Variants in TMEM176A observed in about 807,000 individuals in gnomAD.
TMEM176A encodes the protein hepatocellular carcinoma-associated antigen 112.
Under a neutral mutation model 27.9 loss-of-function variants are expected in TMEM176A, and 20 were observed. The ratio of observed to expected loss-of-function variants is 0.72; its 90% CI spans 0.50 to 1.04. TMEM176A has a LOEUF of 1.04. Among genes scored for constraint, TMEM176A ranks in the 50% least tolerant of loss-of-function variants. The pLI is 0.00. For synonymous variants in TMEM176A, 125 were observed against 118.0 expected (o/e 1.06, Z -0.38); for missense variants, 252 against 289.1 (o/e 0.87, Z 0.93).
chr7:150,801,076 C>T (rs374685705), intron 1 of TMEM176A: 1 of 828,474 alleles, frequency 1.2e-6, no homozygotes, highest in Non-Finnish European at 1.5e-6. Flanking sequence ...AGCGGGAGGT[C>T]GGCGGTGGCG....
chr7:150,803,520 C>T (rs868395852), intron 4 of TMEM176A, 64 bp downstream of exon 4: 51 of 1,576,952 alleles, frequency 3.2e-5, no homozygotes, highest in Non-Finnish European at 4.2e-5. Context: ...CAATCTCCTG[C>T]CCTGTTGCAG....
chr7:150,803,848 G>A lies in TMEM176A; in HGVS notation c.555+16G>A, dbSNP rs753374028. 7 of 1,612,320 alleles carry A rather than the reference G, an allele frequency of 4.3e-6. No homozygotes were observed. Among genetic ancestry groups the A allele is most frequent in the Non-Finnish European group, 5.9e-6 (7 of 1,179,268 alleles). On this transcript the variant is annotated intron_variant, in intron 5 of 6. Transcript: ENST00000004103. ...CATGCTGAAGGTAGGTGGCCAAGGG[G>A]AAGGGGCAGCAGCAGGTGGGGCAGG...
rs781297954 is a variant in TMEM176A at position 150,804,847 on chromosome 7, G to GT, written c.689dup (p.Leu230PhefsTer27). ...ATTAGAAAAGAGACCAGAAGGAAAT[G>GT]TTGGAAGTGAGTGGAATCTAGCCAT... On this transcript the variant is annotated frameshift_variant, in exon 7 of 7. Transcript: ENST00000004103. LOFTEE classifies it high-confidence loss of function. 8 of 1,614,080 alleles carry GT rather than the reference G, an allele frequency of 5.0e-6. No homozygotes were observed.
Position 150,803,392 on chromosome 7 carries a change from C to T in TMEM176A, c.286-8C>T, listed in dbSNP as rs377398540. The T allele has an allele frequency of 6.5e-5, 102 of 1,568,900 alleles. No homozygotes were observed. Among genetic ancestry groups the T allele is most frequent in the Non-Finnish European group, 8.5e-5 (99 of 1,161,622 alleles). On this transcript the variant is annotated splice_region_variant and splice_polypyrimidine_tract_variant and intron_variant, in intron 3 of 6. Coordinates refer to ENST00000004103, the MANE Select transcript of TMEM176A (RefSeq NM_018487.3). Reference sequence around the variant, plus strand: ...ACTAAGCCTGCTCCTGGCTCAATCTCTCCCCAGGCTGTGCTGGCTGGAGCT... The same window carrying T: ...ACTAAGCCTGCTCCTGGCTCAATCTTTCCCCAGGCTGTGCTGGCTGGAGCT...
chr7:150,802,076 T>TTTCTCTTCTCTTCTCTTCTC lies in TMEM176A; in HGVS notation c.175-129_175-110dup, dbSNP rs28364765. ...TCCTTCTCCTCCTCTTTCTTCTCCT[T>TTTCTCTTCTCTTCTCTTCTC]TTCTCTTCTCTTCTCTTCTCTTCTC... On this transcript the variant is annotated intron_variant, in intron 2 of 6. Coordinates refer to ENST00000004103, the MANE Select transcript of TMEM176A (RefSeq NM_018487.3). The TTTCTCTTCTCTTCTCTTCTC allele has an allele frequency of 5.8e-3, 3,338 of 579,054 alleles. 74 individuals are homozygous for TTTCTCTTCTCTTCTCTTCTC. The highest frequency in any genetic ancestry group is 0.046 in the African/African-American group (2,381 of 51,716). 35.9% of individuals were successfully genotyped at this position (579,054 alleles called of 1,614,324 possible). A position where few individuals can be genotyped will look rare whatever the true frequency, so the allele number is the denominator to read the frequency against.
At chr7:150,802,352 T>G in intron 3 of TMEM176A, 27 bp downstream of exon 3, 1 of 1,598,618 alleles carries the variant, frequency 6.3e-7, no homozygotes, top group Non-Finnish European at 8.6e-7. Flanking sequence ...AGTGCTTGAC[T>G]GCCTGTGAGA....
intron 2 of TMEM176A, 174 bp from the exon 3 acceptor site, chr7:150,802,041 T>C (rs1798811895): frequency 1.6e-6 from 1 of 618,638 alleles, no homozygotes; most frequent in Non-Finnish European, 2.8e-6. Flanking sequence ...CTCCTGCCTC[T>C]TCTTCTTTCT....
intron 3 of TMEM176A, chr7:150,802,967 A>G (rs1798847530): frequency 2.0e-6 from 2 of 989,780 alleles, no homozygotes; most frequent in Non-Finnish European, 2.4e-6. Context: ...CTGTTCTTCA[A>G]GCCCAGCTGA....
chr7:150,803,171 T>C, intron 3 of TMEM176A: 1 of 1,280,070 alleles, frequency 7.8e-7, no homozygotes, highest in Middle Eastern at 2.5e-4. Flanking sequence ...GGCTCACACC[T>C]GGCTTGACCA....
chr7:150,803,346 G>T, intron 3 of TMEM176A, 54 bp from the exon 4 acceptor site: 1 of 1,517,060 alleles, frequency 6.6e-7, no homozygotes, highest in Non-Finnish European at 8.8e-7. Context: ...TCTCTCGTGG[G>T]AGAGGAGTTG....
chr7:150,804,850 G>A lies in TMEM176A; in HGVS notation c.690G>A (p.Leu230=). ...TKGKRDQKEM[L]EVSGI ...AGAAAAGAGACCAGAAGGAAATGTT[G>A]GAAGTGAGTGGAATCTAGCCATGCC... is the stretch of plus-strand genomic sequence containing the variant. Residue 230 remains leucine (L), a synonymous_variant, in exon 7 of 7, where the codon TTG becomes TTA. Coordinates refer to ENST00000004103, the MANE Select transcript of TMEM176A (RefSeq NM_018487.3). 1 of 1,614,190 alleles carries A rather than the reference G, an allele frequency of 6.2e-7. No individual in the cohort carries two copies. The highest frequency in any genetic ancestry group is 1.3e-5 in the African/African-American group (1 of 75,046).
intron 1 of TMEM176A, 99 bp downstream of exon 1, chr7:150,800,927 C>G (rs1346878481): frequency 1.0e-6 from 1 of 985,520 alleles, no homozygotes; most frequent in East Asian, 1.1e-4. Context: ...GGACCCCCAC[C>G]CAGGGATGAC....
chr7:150,804,913 C>T lies in TMEM176A; in HGVS notation c.*45C>T, dbSNP rs765395591. On this transcript the variant is annotated 3_prime_UTR_variant, in exon 7 of 7. Coordinates refer to ENST00000004103, the MANE Select transcript of TMEM176A (RefSeq NM_018487.3). The stretch of plus-strand genomic sequence containing the variant: ...TAGTGCCTGGTGCTTCTGCACCGGG[C>T]GTCCCTGCATCTGACTGCTGGAAGA... The T allele has an allele frequency of 8.1e-6, 13 of 1,600,858 alleles. No individual in the cohort carries two copies. In the East Asian group the frequency reaches 2.2e-4, roughly 27 times the overall value.
chr7:150,804,998 G>C lies in TMEM176A; in HGVS notation c.*130G>C. 1 of 958,186 alleles carries C rather than the reference G, an allele frequency of 1.0e-6. No individual in the cohort carries two copies. The highest frequency in any genetic ancestry group is 2.4e-5 in the East Asian group (1 of 41,602). 59.4% of individuals were successfully genotyped at this position (958,186 alleles called of 1,614,324 possible). A position where few individuals can be genotyped will look rare whatever the true frequency, so the allele number is the denominator to read the frequency against. On this transcript the variant is annotated 3_prime_UTR_variant, in exon 7 of 7. Coordinates refer to ENST00000004103, the MANE Select transcript of TMEM176A (RefSeq NM_018487.3). ...CCCCAGTTATCCTGGCCCCATGACC[G>C]TGGCCACAGCCCTGCTCCAGCAGCA...
chr7:150,802,191 G>A, intron 2 of TMEM176A, 24 bp from the exon 3 acceptor site: 2 of 1,609,964 alleles, frequency 1.2e-6, no homozygotes, highest in Non-Finnish European at 1.7e-6. Flanking sequence ...TAGGAGCCGG[G>A]ATCTTGGGTC....
chr7:150,801,336 T>A, intron 1 of TMEM176A, 200 bp from the exon 2 acceptor site: 2 of 487,360 alleles, frequency 4.1e-6, no homozygotes. Flanking sequence ...GGCTCTGTAG[T>A]CGCCGCAGTT....
Position 150,801,674 on chromosome 7 carries a change from C to A in TMEM176A, c.124C>A (p.Pro42Thr), listed in dbSNP as rs1798793794. 1 of 1,605,442 alleles carries A rather than the reference C, an allele frequency of 6.2e-7. No homozygotes were observed. The highest frequency in any genetic ancestry group is 8.5e-7 in the Non-Finnish European group (1 of 1,177,068). The change falls in exon 2 of 7, where the codon CCC becomes ACC. Residue 42 changes from proline to threonine, a missense_variant. Physicochemically the swap from Pro to Thr is conservative, Grantham distance 38 (BLOSUM62 -1). Transcript: ENST00000004103. ...LLLTCCSALR[P>T]RATQARGSSR... ...GCTCACCTGCTGCTCTGCGCTGCGG[C>A]CCCGGGCCACCCAGGCCAGGGGCAG...
intron 1 of TMEM176A, chr7:150,801,060 C>A (rs1798764153): frequency 1.1e-6 from 1 of 926,886 alleles, no homozygotes; most frequent in Non-Finnish European, 1.3e-6. Context: ...GAGCAGCAGT[C>A]GGTGGAGCGG....
chr7:150,804,409 G>A lies in TMEM176A; in HGVS notation c.603G>A (p.Leu201=). The A allele has an allele frequency of 6.2e-7, 1 of 1,614,208 alleles. No homozygotes were observed. Among genetic ancestry groups the A allele is most frequent in the South Asian group, 1.1e-5 (1 of 91,076 alleles). The change falls in exon 6 of 7, where the codon CTG becomes CTA. Residue 201 remains leucine (L), a synonymous_variant. Transcript: ENST00000004103. ...LQAMLLGVWI[L]LLLASLTPLW... is the part of the protein sequence containing the mutation. ...CCATGCTCTTGGGTGTCTGGATTCT[G>A]CTGCTTCTGGCATCTCTGACCCCTC...
Sources: allele counts gnomAD v4.1 joint callset, GRCh38; gene constraint gnomAD v4.1.1; transcripts MANE v1.5; gene names NCBI Gene and HGNC (gene_info 2026-07-23, HGNC 2026-07-21).